The following FGD4 variants were observed in gnomAD, a reference collection of about 807,000 sequenced individuals.
The protein encoded by FGD4 is FYVE, RhoGEF and PH domain containing 4.
Under a neutral mutation model 102.0 loss-of-function variants are expected in FGD4, and 42 were observed. That is an observed-to-expected ratio of 0.41 (90% CI 0.32 to 0.53). The LOEUF (loss-of-function observed/expected upper bound fraction) is 0.53. Ranked by LOEUF, FGD4 falls within the 20% of genes least tolerant of loss-of-function variation. The pLI is 0.21. For missense variants in FGD4, 902 were observed against 1,078.2 expected (o/e 0.84, Z 2.29); for synonymous variants, 380 against 375.7 (o/e 1.01, Z -0.13).
intron 1 of FGD4, among the ~76,000 whole-genome samples, chr12:32,482,097 T>A (rs1284481114): frequency 6.6e-6 from 1 of 152,166 alleles, no homozygotes; most frequent in Admixed American, 6.5e-5. Flanking sequence ...TTAAATAGAA[T>A]GGATAAATTA....
chr12:32,409,650 C>G (rs1187432243), intron 1 of FGD4, among the ~76,000 whole-genome samples: 1 of 152,130 alleles, frequency 6.6e-6, no homozygotes, highest in African/African-American at 2.4e-5. Flanking sequence ...CAAAAACCTT[C>G]CATGTCTCCC....
chr12:32,625,675 G>A lies in FGD4; in HGVS notation c.2068G>A (p.Ala690Thr). Residue 690 changes from alanine (A) to threonine (T), a missense_variant, in exon 14 of 17, where the codon GCC becomes ACC. Ala to Thr is a moderately conservative substitution (Grantham distance 58). Around this residue, in one of 2 missense-constraint regions of FGD4, gnomAD observed 459 missense variants for 619.0 expected, o/e 0.74. Transcript: ENST00000534526. Reference protein sequence around the residue: ...EVSTAELGKRAPRWIRDNEVT... With the variant: ...EVSTAELGKRTPRWIRDNEVT... ...TTAGACTGCTGAGCTAGGGAAAAGA[G>A]CCCCAAGATGGATCCGAGATAATGA... 6.2e-7 allele frequency: 1 copy of A among 1,613,968 alleles called. No homozygotes were observed. The highest frequency in any genetic ancestry group is 8.5e-7 in the Non-Finnish European group (1 of 1,179,988).
chr12:32,472,915 G>A (rs1325312159), intron 1 of FGD4, among the ~76,000 whole-genome samples: 1 of 152,010 alleles, frequency 6.6e-6, no homozygotes, highest in Non-Finnish European at 1.5e-5. Flanking sequence ...GTAGCTCAAG[G>A]ATTGTAAATA....
chr12:32,581,078 T>C (rs1946578416), intron 3 of FGD4, among the ~76,000 whole-genome samples: 2 of 152,122 alleles, frequency 1.3e-5, no homozygotes, highest in South Asian at 4.2e-4. Flanking sequence ...AAAGCCTCTT[T>C]GGAGATGTGA....
intron 4 of FGD4, among the ~76,000 whole-genome samples, chr12:32,588,146 C>G (rs754675152): frequency 2.6e-5 from 4 of 152,188 alleles, no homozygotes; most frequent in Non-Finnish European, 4.4e-5. Flanking sequence ...AAAGCATGGT[C>G]AGCATTTAGA....
chr12:32,578,525 A>G (rs1946318171), intron 3 of FGD4, among the ~76,000 whole-genome samples: 1 of 152,140 alleles, frequency 6.6e-6, no homozygotes. Flanking sequence ...TGGTCATATC[A>G]TACTGTTGTT....
chr12:32,526,014 C>T (rs983604685), intron 1 of FGD4, among the ~76,000 whole-genome samples: 5 of 152,254 alleles, frequency 3.3e-5, no homozygotes, highest in Non-Finnish European at 4.4e-5. Context: ...CCCTGCTCCA[C>T]GGCGCCCAGT....
intron 1 of FGD4, among the ~76,000 whole-genome samples, chr12:32,432,593 G>A (rs1169600072): frequency 7.8e-6 from 1 of 128,840 alleles, no homozygotes; most frequent in Non-Finnish European, 1.6e-5. Context: ...GACAGAGCAA[G>A]ACTCCATCTC....
intron 11 of FGD4, 107 bp from the exon 12 acceptor site, chr12:32,624,315 A>G (rs1950020364): frequency 2.3e-6 from 2 of 854,410 alleles, no homozygotes; most frequent in African/African-American, 1.7e-5. Context: ...CTTCCATAAC[A>G]TCCCTGAATT....
At chr12:32,476,397 C>G (rs1423616713) in intron 1 of FGD4, among the ~76,000 whole-genome samples, 1 of 152,210 alleles carries the variant, frequency 6.6e-6, no homozygotes, top group Non-Finnish European at 1.5e-5. Flanking sequence ...CATCTCTGAT[C>G]TGTGTGCTGA....
Position 32,601,438 on chromosome 12 carries a change from T to C in FGD4, c.1247+15T>C, listed in dbSNP as rs201383332. ...ATGCAAGAATGGTAAGAGGAGTAGA[T>C]AGAAAATGATATGTTTAAGGCAGTC... On this transcript the variant is annotated intron_variant, in intron 6 of 16. Transcript: ENST00000534526. 8.7e-6 allele frequency: 14 copies of C among 1,609,592 alleles called. No individual in the cohort carries two copies. Among genetic ancestry groups the C allele is most frequent in the Admixed American group, 8.4e-5 (5 of 59,548 alleles).
intron 4 of FGD4, among the ~76,000 whole-genome samples, chr12:32,592,440 A>C (rs1276112834): frequency 6.6e-6 from 1 of 152,064 alleles, no homozygotes; most frequent in East Asian, 1.9e-4. Flanking sequence ...AGAAAATGGG[A>C]TTATATATTA....
chr12:32,542,801 CATAA>C (rs1410419060), intron 1 of FGD4, among the ~76,000 whole-genome samples: 1 of 152,158 alleles, frequency 6.6e-6, no homozygotes, highest in Non-Finnish European at 1.5e-5. Flanking sequence ...CTCTGTTGGC[CATAA>C]ATAATTTACT....
chr12:32,622,491 C>G (rs527255096), intron 11 of FGD4, among the ~76,000 whole-genome samples: 1 of 152,326 alleles, frequency 6.6e-6, no homozygotes, highest in East Asian at 1.9e-4. Context: ...TATGGTTATT[C>G]TGTCTAAAAT....
intron 1 of FGD4, among the ~76,000 whole-genome samples, chr12:32,548,959 A>T (rs1226227062): frequency 6.6e-6 from 1 of 152,200 alleles, no homozygotes; most frequent in African/African-American, 2.4e-5. Context: ...AAGGTCTGGG[A>T]AACAGCCAAA....
chr12:32,514,908 GT>G (rs1592069116), intron 1 of FGD4, among the ~76,000 whole-genome samples: 1 of 151,974 alleles, frequency 6.6e-6, no homozygotes, highest in East Asian at 1.9e-4. Context: ...TAGATATGGG[GT>G]TTTCACCATG....
intron 4 of FGD4, among the ~76,000 whole-genome samples, chr12:32,584,987 G>T (rs766025129): frequency 1.3e-4 from 20 of 151,850 alleles, no homozygotes; most frequent in Non-Finnish European, 2.9e-4. Flanking sequence ...TTGGAAGGCC[G>T]AGGTGGGTGG....
intron 1 of FGD4, chr12:32,477,340 A>G (rs1465911189): frequency 6.6e-6 from 1 of 152,300 alleles, no homozygotes; most frequent in African/African-American, 2.4e-5. Context: ...AAACCTTTCC[A>G]TATAAAGAGC....
chr12:32,520,432 T>A (rs998836483), intron 1 of FGD4, among the ~76,000 whole-genome samples: 2 of 127,972 alleles, frequency 1.6e-5, no homozygotes, highest in South Asian at 5.0e-4. Context: ...TGGGTTTTTT[T>A]GTTTTTTGTT....
Sources: allele counts gnomAD v4.1 joint callset (sites outside exome capture counted in the v4.1 genomes callset), GRCh38; gene constraint gnomAD v4.1.1; regional missense constraint gnomAD v4.1.1; transcripts MANE v1.5; gene names NCBI Gene and HGNC (gene_info 2026-07-23, HGNC 2026-07-21).